Variants in COL13A1 observed in about 807,000 individuals in gnomAD.
COL13A1 encodes the protein collagen alpha-1(XIII) chain.
A neutral mutation model predicts 130.9 loss-of-function variants in COL13A1; 89 were observed. The observed-to-expected ratio is 0.68, with a 90% CI of 0.57 to 0.81. COL13A1 has a LOEUF of 0.81. COL13A1 is among the 30% of genes least tolerant of loss of function. COL13A1 has a pLI of 0.00. For synonymous variants in COL13A1, 402 were observed against 341.6 expected (o/e 1.18, Z -1.95); for missense variants, 879 against 934.6 (o/e 0.94, Z 0.78).
intron 18 of COL13A1, 30 bp downstream of exon 18, chr10:69,917,363 GC>G: frequency 6.3e-7 from 1 of 1,591,646 alleles, no homozygotes. Context: ...ATCCCAGGCA[GC>G]CCCAAGGCCC....
intron 13 of COL13A1, chr10:69,897,438 G>T: frequency 6.2e-7 from 1 of 1,611,062 alleles, no homozygotes; most frequent in East Asian, 2.2e-5. Context: ...GGTCCCTGTC[G>T]CCCTGTCTCT....
At position 69,898,569 on chromosome 10, in the gene COL13A1, C is replaced by G. The variant is rs1485375743; in HGVS notation, c.685-128C>G. On this transcript the variant is annotated intron_variant, in intron 13 of 40. Transcript: ENST00000645393. ...CCACTCCTCATGTGCACGCTAATCT[C>G]TCTTCTCTCTTCCTCTGCTCCGGTC... 6 of 681,068 alleles carry G rather than the reference C, an allele frequency of 8.8e-6. No individual in the cohort carries two copies. The East Asian group carries it at 1.1e-4, about 13-fold the overall frequency. 42.2% of individuals were successfully genotyped at this position (681,068 alleles called of 1,614,324 possible). A position where few individuals can be genotyped will look rare whatever the true frequency, so the allele number is the denominator to read the frequency against.
At chr10:69,887,139 T>C (rs2060668102) in intron 7 of COL13A1, among the ~76,000 whole-genome samples, 2 of 152,222 alleles carry the variant, frequency 1.3e-5, no homozygotes, top group Admixed American at 6.5e-5. Flanking sequence ...CTGGCCCCAC[T>C]GTCCCATGCG....
At chr10:69,811,006 CCT>C (rs1842898637) in intron 1 of COL13A1, among the ~76,000 whole-genome samples, 1 of 152,196 alleles carries the variant, frequency 6.6e-6, no homozygotes, top group African/African-American at 2.4e-5. Context: ...ACACTGGGCC[CCT>C]GTCTCCCTGC....
chr10:69,828,403 G>T (rs1589282415), intron 2 of COL13A1, among the ~76,000 whole-genome samples: 2 of 152,008 alleles, frequency 1.3e-5, no homozygotes, highest in East Asian at 3.9e-4. Context: ...CACTCCATCA[G>T]CCAGGTTCTG....
chr10:69,827,466 C>T (rs746526227), intron 2 of COL13A1, among the ~76,000 whole-genome samples: 21 of 152,136 alleles, frequency 1.4e-4, no homozygotes, highest in Non-Finnish European at 2.6e-4. Context: ...GGGAGCAGTG[C>T]CTCTGCCCTG....
intron 2 of COL13A1, among the ~76,000 whole-genome samples, chr10:69,837,775 C>T (rs534105011): frequency 7.3e-5 from 11 of 151,136 alleles, no homozygotes; most frequent in African/African-American, 1.7e-4. Flanking sequence ...TCCCGTGGAA[C>T]GGCGATCCTG....
chr10:69,838,373 A>G (rs1850660915), intron 2 of COL13A1, among the ~76,000 whole-genome samples: 1 of 152,248 alleles, frequency 6.6e-6, no homozygotes, highest in Non-Finnish European at 1.5e-5. Context: ...CAACTGTGTT[A>G]CAATGGGCAA....
At chr10:69,953,523 A>G (rs2070016768) in intron 39 of COL13A1, among the ~76,000 whole-genome samples, 2 of 152,192 alleles carry the variant, frequency 1.3e-5, no homozygotes, top group South Asian at 4.1e-4. Context: ...AAACCTTTAA[A>G]GCTGCAGACC....
At chr10:69,947,072 G>A (rs754949998) in intron 37 of COL13A1, among the ~76,000 whole-genome samples, 18 of 152,242 alleles carry the variant, frequency 1.2e-4, no homozygotes, top group Non-Finnish European at 2.4e-4. Context: ...ACAGGCGTGA[G>A]CCACCGTGCC....
In COL13A1 at chr10:69,875,162, T is replaced by C. The variant is rs756894678; in HGVS notation, c.434T>C (p.Val145Ala). 2 of 1,613,972 alleles carry C rather than the reference T, an allele frequency of 1.2e-6. No individual in the cohort carries two copies. Among genetic ancestry groups the C allele is most frequent in the Admixed American group, 3.3e-5 (2 of 60,028 alleles). ...DKGAIGMPGR[V>A]GVKGQPGEKG... ...GGTGCCATTGGGATGCCTGGACGTGTGGTGAGTTGGCCCGTTTGTACCTGC... is the reference window on the plus strand; with the variant it reads ...GGTGCCATTGGGATGCCTGGACGTGCGGTGAGTTGGCCCGTTTGTACCTGC... The change falls in exon 5 of 41, where the codon GTG (valine) becomes GCG (alanine). Residue 145 changes from valine (V) to alanine (A), a missense_variant and splice_region_variant. Val to Ala is a moderately conservative substitution (Grantham distance 64). This residue lies in a region of COL13A1 where 715 missense variants were observed against 721.0 expected (regional missense o/e 0.99). Transcript: ENST00000645393.
At chr10:69,811,573 C>G (rs2132274090) in intron 1 of COL13A1, among the ~76,000 whole-genome samples, 1 of 152,282 alleles carries the variant, frequency 6.6e-6, no homozygotes, top group South Asian at 2.1e-4. Context: ...CATGGGAGGT[C>G]AGAGGGTGCT....
chr10:69,817,711 C>T (rs1844950981), intron 1 of COL13A1, among the ~76,000 whole-genome samples: 1 of 151,908 alleles, frequency 6.6e-6, no homozygotes, highest in African/African-American at 2.4e-5. Context: ...TGGTGATAAT[C>T]ACTGGCCACA....
At chr10:69,914,396 G>A (rs1457316353) in intron 17 of COL13A1, among the ~76,000 whole-genome samples, 1 of 151,940 alleles carries the variant, frequency 6.6e-6, no homozygotes, top group African/African-American at 2.4e-5. Flanking sequence ...GCTGGGGTGG[G>A]TGGGAAGAGA....
At chr10:69,889,382 T>C in intron 9 of COL13A1, 32 bp from the exon 10 acceptor site, 1 of 1,605,378 alleles carries the variant, frequency 6.2e-7, no homozygotes, top group African/African-American at 1.3e-5. Context: ...CTGCGAACAG[T>C]GCACCTGGTA....
Position 69,937,661 on chromosome 10 carries a change from A to G in COL13A1, c.1824A>G (p.Lys608=). Residue 608 remains lysine (K), a synonymous_variant, in exon 34 of 41, where the codon AAA becomes AAG. Transcript: ENST00000645393. ...PKGEAGLDGA[K]GEKGFQGEKG... Reference sequence around the variant, plus strand: ...GGGAAGCAGGACTAGATGGAGCAAAAGGAGAGAAAGGCTTCCAGGGAGAAA... The same window carrying G: ...GGGAAGCAGGACTAGATGGAGCAAAGGGAGAGAAAGGCTTCCAGGGAGAAA... The G allele has an allele frequency of 1.9e-6, 3 of 1,576,902 alleles. No individual in the cohort carries two copies. The highest frequency in any genetic ancestry group is 2.6e-6 in the Non-Finnish European group (3 of 1,146,200).
At chr10:69,891,622 C>A (rs2134684212) in intron 10 of COL13A1, among the ~76,000 whole-genome samples, 1 of 152,278 alleles carries the variant, frequency 6.6e-6, no homozygotes, top group South Asian at 2.1e-4. Flanking sequence ...GTAGTGGAGA[C>A]CGAGGCAGGA....
intron 17 of COL13A1, among the ~76,000 whole-genome samples, chr10:69,916,508 C>T (rs1288146818): frequency 6.6e-6 from 1 of 152,252 alleles, no homozygotes; most frequent in Non-Finnish European, 1.5e-5. Context: ...CCACTTGTCC[C>T]TGGCTGTCAT....
chr10:69,804,020 C>A (rs959251889), intron 1 of COL13A1, among the ~76,000 whole-genome samples: 1 of 152,248 alleles, frequency 6.6e-6, no homozygotes, highest in East Asian at 1.9e-4. Context: ...ACAGGGCAAG[C>A]GTACTGGTGC....
Sources: allele counts gnomAD v4.1 joint callset (sites outside exome capture counted in the v4.1 genomes callset), GRCh38; gene constraint gnomAD v4.1.1; regional missense constraint gnomAD v4.1.1; transcripts MANE v1.5; gene names NCBI Gene and HGNC (gene_info 2026-07-23, HGNC 2026-07-21).